Variants in MAGI3 observed in about 807,000 individuals in gnomAD.
The protein encoded by MAGI3 is membrane associated guanylate kinase, WW and PDZ domain containing 3.
MAGI3 carries 43 observed loss-of-function variants against 121.8 expected under a neutral mutation model. That is an observed-to-expected ratio of 0.35 (90% CI 0.28 to 0.46). MAGI3 has a LOEUF of 0.46. Among genes scored for constraint, MAGI3 ranks in the 20% least tolerant of loss-of-function variants. The pLI, the probability that MAGI3 is intolerant of heterozygous loss-of-function variation, is 1.00. For missense variants in MAGI3, 1,547 were observed against 1,797.3 expected (o/e 0.86, Z 2.52); for synonymous variants, 553 against 639.3 (o/e 0.86, Z 2.04).
At chr1:113,467,667 G>A (rs1426417707) in intron 1 of MAGI3, among the ~76,000 whole-genome samples, 3 of 152,000 alleles carry the variant, frequency 2.0e-5, no homozygotes, top group Middle Eastern at 3.2e-3. Context: ...CAAGTAGCTG[G>A]GATTACAGGT....
intron 16 of MAGI3, among the ~76,000 whole-genome samples, chr1:113,660,244 C>T (rs1653708575): frequency 6.6e-6 from 1 of 152,194 alleles, no homozygotes; most frequent in Non-Finnish European, 1.5e-5. Context: ...TTCCAAGATG[C>T]TGTGACATCC....
At chr1:113,393,603 T>C (rs1283267669) in intron 1 of MAGI3, among the ~76,000 whole-genome samples, 1 of 152,204 alleles carries the variant, frequency 6.6e-6, no homozygotes, top group Non-Finnish European at 1.5e-5. Context: ...ATAGCAAGAT[T>C]TTTGCAGGTT....
chr1:113,516,238 G>A lies in MAGI3; in HGVS notation c.317-33277G>A, dbSNP rs575660783. ...AGCAGTGACTGCTCAGTAGCAGTAA[G>A]CAGACCTTACATTCAAATCTTGGTT... On this transcript the variant is annotated intron_variant, in intron 1 of 20. Transcript: ENST00000307546. Among the ~76,000 whole-genome samples the A allele has an allele frequency of 1.4e-4, 22 of 151,950 alleles. No individual in the cohort carries two copies. In the Middle Eastern group the frequency reaches 0.014, roughly 94 times the overall value.
chr1:113,391,459 G>T lies in MAGI3; in HGVS notation c.316+110G>T. 1.6e-6 allele frequency: 2 copies of T among 1,214,862 alleles called. No homozygotes were observed. The highest frequency in any genetic ancestry group is 2.3e-6 in the Non-Finnish European group (2 of 872,936). The allele number at this position is 1,214,862 out of a possible 1,614,324, so 75.3% of individuals were successfully genotyped here. On this transcript the variant is annotated intron_variant, in intron 1 of 20. Transcript: ENST00000307546. This position sits in a 1 kb window ranked among gnomAD's most constrained non-coding sequence, Gnocchi z 4.4. ...CCGCGTATTGTCCCGGGTAATCTTA[G>T]ACCTCTAGGGTGTGCCAGACTCCTT...
chr1:113,514,900 T>C (rs77826677), intron 1 of MAGI3, among the ~76,000 whole-genome samples: 3,537 of 152,146 alleles, frequency 0.023, 133 homozygotes, highest in African/African-American at 0.081. Flanking sequence ...AGTGTAAAAT[T>C]TGAAGAAAAC....
intron 1 of MAGI3, among the ~76,000 whole-genome samples, chr1:113,466,866 TTTTG>T (rs1251593379): frequency 7.2e-5 from 11 of 152,222 alleles, no homozygotes; most frequent in Admixed American, 5.9e-4. Context: ...GATTTGTCAA[TTTTG>T]TTTATCTTTT....
chr1:113,680,827 G>C (rs949279859), intron 19 of MAGI3, among the ~76,000 whole-genome samples: 1 of 151,808 alleles, frequency 6.6e-6, no homozygotes, highest in Non-Finnish European at 1.5e-5. Context: ...TAAAGATCTG[G>C]GCATCTTCAA....
intron 1 of MAGI3, among the ~76,000 whole-genome samples, chr1:113,544,954 A>G (rs1659459741): frequency 6.6e-6 from 1 of 152,192 alleles, no homozygotes; most frequent in Admixed American, 6.5e-5. Context: ...TTCACTTTAA[A>G]TGAATTTAAA....
At chr1:113,570,523 TC>T (rs1290792939) in intron 2 of MAGI3, among the ~76,000 whole-genome samples, 1 of 152,188 alleles carries the variant, frequency 6.6e-6, no homozygotes, top group African/African-American at 2.4e-5. Flanking sequence ...GTAAAAACGT[TC>T]CTATTTCTCC....
chr1:113,618,723 C>G, intron 7 of MAGI3: 1 of 267,302 alleles, frequency 3.7e-6, no homozygotes, highest in South Asian at 3.4e-5. Flanking sequence ...CCAGGATGGT[C>G]TCTATCTCTT....
intron 3 of MAGI3, among the ~76,000 whole-genome samples, chr1:113,581,866 T>C (rs547813400): frequency 1.3e-5 from 2 of 152,294 alleles, no homozygotes; most frequent in East Asian, 3.9e-4. Context: ...GTACCTACTA[T>C]GTGCCAAGTA....
At chr1:113,590,724 A>T in intron 5 of MAGI3, 66 bp downstream of exon 5, 1 of 1,457,030 alleles carries the variant, frequency 6.9e-7, no homozygotes, top group Non-Finnish European at 9.2e-7. Context: ...AGATTTTTTT[A>T]AACCTCATTT....
Position 113,646,647 on chromosome 1 carries a change from G to C in MAGI3, c.2155+5G>C. ...AGACTTTATATGAAGATAAACGTAA[G>C]TAGTTGTGGAATATTTCAGGAGAGC... On this transcript the variant is annotated splice_donor_5th_base_variant and intron_variant, in intron 12 of 20. Coordinates refer to ENST00000307546, the MANE Select transcript of MAGI3 (RefSeq NM_001142782.2). 6.3e-7 allele frequency: 1 copy of C among 1,580,554 alleles called. No individual in the cohort carries two copies. The highest frequency in any genetic ancestry group is 8.6e-7 in the Non-Finnish European group (1 of 1,163,528).
chr1:113,468,896 T>C (rs772127904), intron 1 of MAGI3, among the ~76,000 whole-genome samples: 9 of 152,142 alleles, frequency 5.9e-5, no homozygotes, highest in Non-Finnish European at 1.3e-4. Flanking sequence ...GAAGGACCCT[T>C]TTCATTTTAA....
chr1:113,590,601 C>T lies in MAGI3; in HGVS notation c.881C>T (p.Pro294Leu). ...NYMMRDETLEPLPKNWEMAYT... is the reference protein window; with the variant it reads ...NYMMRDETLELLPKNWEMAYT... ...ATGATGAGAGATGAGACTCTGGAACCACTGCCCAAAAACTGGGAAATGGCC... is the reference window on the plus strand; with the variant it reads ...ATGATGAGAGATGAGACTCTGGAACTACTGCCCAAAAACTGGGAAATGGCC... Residue 294 changes from proline (P) to leucine (L), a missense_variant, in exon 5 of 21, where the codon CCA becomes CTA. Transcript: ENST00000307546. The T allele has an allele frequency of 6.2e-7, 1 of 1,613,714 alleles. No individual in the cohort carries two copies. The highest frequency in any genetic ancestry group is 8.5e-7 in the Non-Finnish European group (1 of 1,179,718).
intron 20 of MAGI3, 114 bp from the exon 21 acceptor site, chr1:113,682,783 A>G: frequency 6.9e-7 from 1 of 1,444,436 alleles, no homozygotes; most frequent in Non-Finnish European, 9.1e-7. Context: ...TGTATAAAAT[A>G]CTCAGGCTTT....
rs535833196 is a variant in MAGI3, at chr1:113,489,388, C to CCAAA, written c.317-60126_317-60123dup. On this transcript the variant is annotated intron_variant, in intron 1 of 20. Coordinates refer to ENST00000307546, the MANE Select transcript of MAGI3 (RefSeq NM_001142782.2). Reference sequence around the variant, plus strand: ...TAGAATAAAAGGAAAAAACAAACACCCAAAGGTCAGCAACCTCAAAGATTG... The same window carrying CCAAA: ...TAGAATAAAAGGAAAAAACAAACACCCAAACAAAGGTCAGCAACCTCAAAGATTG... Among the ~76,000 whole-genome samples the CCAAA allele has an allele frequency of 7.2e-5, 11 of 152,152 alleles. 1 individual carries two copies. The South Asian group carries it at 2.3e-3, about 32-fold the overall frequency.
Position 113,450,543 on chromosome 1 carries a change from G to A in MAGI3, c.316+59194G>A, listed in dbSNP as rs1387037359. ...GGATATGATGGTTACAATGAAGGAG[G>A]AAATTTTGGCGGTGGTAACTATGGT... is the stretch of plus-strand genomic sequence containing the variant. On this transcript the variant is annotated intron_variant, in intron 1 of 20. Transcript: ENST00000307546. 1.1e-5 allele frequency: 11 copies of A among 1,025,006 alleles called. No individual in the cohort carries two copies. The East Asian group carries it at 2.1e-4, about 20-fold the overall frequency. The allele number at this position is 1,025,006 out of a possible 1,614,324, so 63.5% of individuals were successfully genotyped here.
intron 9 of MAGI3, among the ~76,000 whole-genome samples, chr1:113,624,910 G>C (rs773886611): frequency 7.0e-4 from 106 of 152,150 alleles, no homozygotes; most frequent in Non-Finnish European, 2.5e-4. Flanking sequence ...TAGAAGTCAA[G>C]TTTCATTCTT....
Sources: gnomAD v4.1 joint callset for allele counts (sites outside exome capture counted in the v4.1 genomes callset) on GRCh38, gnomAD v4.1.1 for gene constraint, Gnocchi (gnomAD v3.1) non-coding constraint, MANE v1.5 for transcripts, NCBI Gene and HGNC (gene_info 2026-07-23, HGNC 2026-07-21) for gene names.